SYCP2: variants seen among roughly 807,000 people sequenced by gnomAD.
SYCP2 encodes the protein synaptonemal complex lateral element protein.
A neutral mutation model predicts 211.3 loss-of-function variants in SYCP2; 55 were observed. The observed-to-expected ratio is 0.26, with a 90% CI of 0.21 to 0.33. SYCP2 has a LOEUF of 0.33. SYCP2 is among the 10% of genes least tolerant of loss of function. SYCP2 has a pLI of 1.00. For synonymous variants in SYCP2, 570 were observed against 555.2 expected, an observed-to-expected ratio of 1.03 and a Z score of -0.37; for missense variants, 1,731 against 1,752.0, an observed-to-expected ratio of 0.99 and a Z score of 0.21.
intron 1 of SYCP2, 63 bp from the exon 2 acceptor site, chr20:59,932,217 G>T (rs1416199925): frequency 1.3e-5 from 2 of 152,162 alleles, no homozygotes; most frequent in African/African-American, 4.8e-5. Context: ...TGGCAGATGG[G>T]GGAGGCAAAG....
chr20:59,899,701 A>G (rs751128389), intron 18 of SYCP2, among the ~76,000 whole-genome samples: 2 of 152,160 alleles, frequency 1.3e-5, no homozygotes, highest in Non-Finnish European at 2.9e-5. Flanking sequence ...TAGGGGTTCC[A>G]TTTATGAGAA....
intron 2 of SYCP2, among the ~76,000 whole-genome samples, chr20:59,925,087 TAAGC>T (rs1002582297): frequency 6.6e-6 from 1 of 151,958 alleles, no homozygotes; most frequent in Non-Finnish European, 1.5e-5. Flanking sequence ...CAATAAGCAA[TAAGC>T]AAGATTATAA....
intron 12 of SYCP2, among the ~76,000 whole-genome samples, chr20:59,912,678 A>G (rs2060354001): frequency 6.6e-6 from 1 of 152,130 alleles, no homozygotes; most frequent in African/African-American, 2.4e-5. Flanking sequence ...TTTGTGTGTG[A>G]TATGGTTTGG....
chr20:59,865,261 AATTG>A, intron 44 of SYCP2, 123 bp downstream of exon 44: 1 of 697,084 alleles, frequency 1.4e-6, no homozygotes, highest in African/African-American at 1.8e-5. Context: ...AACTAAAAGT[AATTG>A]GGCTAAAACT....
In SYCP2 at chr20:59,864,404, A is replaced by AAG; in HGVS notation, c.4516-17_4516-16insCT. On this transcript the variant is annotated splice_polypyrimidine_tract_variant and intron_variant, in intron 44 of 44. Coordinates refer to ENST00000357552, the MANE Select transcript of SYCP2 (RefSeq NM_014258.4). ...CCTCTTCTAGCTATAGCCAAGAAAA[A>AAG]AAAAATCACACTTAGATTTCACATT... The AAG allele has an allele frequency of 6.5e-7, 1 of 1,546,530 alleles. No individual in the cohort carries two copies. The highest frequency in any genetic ancestry group is 8.8e-7 in the Non-Finnish European group (1 of 1,140,070).
At position 59,908,938 on chromosome 20, in the gene SYCP2, C is replaced by T. The variant is rs568924641; in HGVS notation, c.973-1514G>A. Among the ~76,000 whole-genome samples, 13 of 152,200 alleles carry T rather than the reference C, an allele frequency of 8.5e-5. No individual in the cohort carries two copies. The South Asian group carries it at 1.4e-3, about 17-fold the overall frequency. On this transcript the variant is annotated intron_variant, in intron 14 of 44. Coordinates refer to ENST00000357552, the MANE Select transcript of SYCP2 (RefSeq NM_014258.4). The stretch of plus-strand genomic sequence containing the variant: ...AACTTGATGTCTTTACTTCCTTAAC[C>T]GATATTTTAACTTTCTAGGAATGCC...
At position 59,873,720 on chromosome 20, in the gene SYCP2, C is replaced by G. The variant is rs892745278; in HGVS notation, c.3555+136G>C. The G allele has an allele frequency of 1.6e-5, 10 of 618,316 alleles. No homozygotes were observed. The African/African-American group carries it at 1.9e-4, about 12-fold the overall frequency. 38.3% of individuals were successfully genotyped at this position (618,316 alleles called of 1,614,324 possible). On this transcript the variant is annotated intron_variant, in intron 35 of 44. Coordinates refer to ENST00000357552, the MANE Select transcript of SYCP2 (RefSeq NM_014258.4). ...AGTATCTCTCTCTTGTCATTATGTC[C>G]CTCTCCCCCAAGACCCTAGACCAAA...
intron 38 of SYCP2, 75 bp from the exon 39 acceptor site, chr20:59,867,922 C>A (rs932618956): frequency 9.4e-7 from 1 of 1,063,442 alleles, no homozygotes. Context: ...AGGCTAAGAA[C>A]AAAATCTATC....
chr20:59,883,607 A>G (rs1162944223), intron 26 of SYCP2, among the ~76,000 whole-genome samples: 2 of 151,820 alleles, frequency 1.3e-5, no homozygotes, highest in Non-Finnish European at 2.9e-5. Context: ...AAAGAAAAAT[A>G]CTGCATGATC....
chr20:59,930,355 T>C (rs1418627654), intron 2 of SYCP2, among the ~76,000 whole-genome samples: 1 of 152,214 alleles, frequency 6.6e-6, no homozygotes, highest in East Asian at 1.9e-4. Flanking sequence ...AACATTTTAG[T>C]CTCTGCTTCA....
intron 31 of SYCP2, among the ~76,000 whole-genome samples, chr20:59,879,093 G>GT (rs2059614584): frequency 6.6e-6 from 1 of 152,000 alleles, no homozygotes; most frequent in Non-Finnish European, 1.5e-5. Flanking sequence ...TGTTATAAAT[G>GT]TTTTTATTTG....
intron 2 of SYCP2, among the ~76,000 whole-genome samples, chr20:59,926,905 CT>C (rs1362750033): frequency 1.3e-5 from 2 of 152,112 alleles, no homozygotes; most frequent in African/African-American, 4.8e-5. Context: ...CAAAATTAGC[CT>C]CTTGCTGAAA....
In SYCP2 at chr20:59,863,995, CA is replaced by C. The variant is rs1418020593; in HGVS notation, c.*315del. The C allele has an allele frequency of 6.0e-6, 1 of 166,762 alleles. No homozygotes were observed. Among genetic ancestry groups the C allele is most frequent in the Admixed American group, 6.4e-5 (1 of 15,726 alleles). 10.3% of individuals were successfully genotyped at this position (166,762 alleles called of 1,614,324 possible). ...CAAAAACACATTTTATGTAATAATA[CA>C]TTTTACACAATAAAATTTAATTTAT... On this transcript the variant is annotated 3_prime_UTR_variant, in exon 45 of 45. Coordinates refer to ENST00000357552, the MANE Select transcript of SYCP2 (RefSeq NM_014258.4).
chr20:59,885,429 C>G (rs779939474), intron 26 of SYCP2, among the ~76,000 whole-genome samples: 2 of 151,940 alleles, frequency 1.3e-5, no homozygotes, highest in African/African-American at 2.4e-5. Flanking sequence ...GAGTTGGCCT[C>G]GACAGGGGAG....
At chr20:59,911,620 C>T in intron 14 of SYCP2, 130 bp downstream of exon 14, 1 of 410,420 alleles carries the variant, frequency 2.4e-6, no homozygotes, top group African/African-American at 2.1e-5. Context: ...GCTAATCAAA[C>T]TACTAGAGCT....
chr20:59,885,789 T>G (rs1316397258), intron 26 of SYCP2, 139 bp downstream of exon 26: 1 of 712,450 alleles, frequency 1.4e-6, no homozygotes, highest in African/African-American at 1.8e-5. Context: ...CTATTAAACC[T>G]GTCAGTGGTT....
intron 7 of SYCP2, among the ~76,000 whole-genome samples, chr20:59,917,927 A>G (rs1422483998): frequency 6.6e-6 from 1 of 152,186 alleles, no homozygotes; most frequent in African/African-American, 2.4e-5. Context: ...TGTATTACTC[A>G]CCAGCAAGTG....
rs187522423 is a variant in SYCP2, at chr20:59,905,295, G to A, written c.1033+2069C>T. On this transcript the variant is annotated intron_variant, in intron 15 of 44. Coordinates refer to ENST00000357552, the MANE Select transcript of SYCP2 (RefSeq NM_014258.4). Reference sequence around the variant, plus strand: ...GAGAAATAAAAACATATTTTCAGAAGTAATTAATTATAAATGAATATTTAC... The same window carrying A: ...GAGAAATAAAAACATATTTTCAGAAATAATTAATTATAAATGAATATTTAC... Among the ~76,000 whole-genome samples, 529 of 152,228 alleles carry A rather than the reference G, an allele frequency of 3.5e-3. 6 individuals are homozygous for A. The highest frequency in any genetic ancestry group is 0.011 in the African/African-American group (472 of 41,552).
At chr20:59,865,278 T>C (rs6070977) in intron 44 of SYCP2, 110 bp downstream of exon 44, 22,073 of 843,902 alleles carry the variant, frequency 0.026, 359 homozygotes, top group Middle Eastern at 0.043. Flanking sequence ...CTAAAACTAT[T>C]TTCTCTCAAC....
Sources: allele counts gnomAD v4.1 joint callset (sites outside exome capture counted in the v4.1 genomes callset), GRCh38; gene constraint gnomAD v4.1.1; transcripts MANE v1.5; gene names NCBI Gene and HGNC (gene_info 2026-07-23, HGNC 2026-07-21).